The following INPP5F variants were observed in gnomAD, a reference collection of about 807,000 sequenced individuals.
The protein encoded by INPP5F is phosphatidylinositide 4-phosphatase SAC2.
Under a neutral mutation model 137.2 loss-of-function variants are expected in INPP5F, and 97 were observed. The ratio of observed to expected loss-of-function variants is 0.71; its 90% confidence interval spans 0.60 to 0.84. The LOEUF (loss-of-function observed/expected upper bound fraction) is 0.84, where lower values mean the gene tolerates loss of function less well. Among genes scored for constraint, INPP5F ranks in the 40% least tolerant of loss-of-function variants. The probability of loss-of-function intolerance (pLI) is 0.00; values close to 1 mark genes in which losing one functional copy is unlikely to be tolerated. For synonymous variants in INPP5F, 504 were observed against 476.9 expected (o/e 1.06, Z -0.74); for missense variants, 1,271 against 1,371.9 (o/e 0.93, Z 1.16).
chr10:119,806,554 A>G (rs1035410068), intron 12 of INPP5F, 74 bp downstream of exon 12: 1 of 1,356,052 alleles, frequency 7.4e-7, no homozygotes, highest in African/African-American at 1.5e-5. Flanking sequence ...GCAAATAGCT[A>G]AATATTTTTC....
rs554541836 is a variant in INPP5F, at chr10:119,794,509, T to C, written c.670-2206T>C. Among the ~76,000 whole-genome samples, 1,118 of 152,044 alleles carry C rather than the reference T, an allele frequency of 7.4e-3. 3 individuals carry two copies. Among genetic ancestry groups the C allele is most frequent in the Middle Eastern group, 0.017 (5 of 294 alleles). On this transcript the variant is annotated intron_variant, in intron 6 of 19. Coordinates refer to ENST00000650623, the MANE Select transcript of INPP5F (RefSeq NM_014937.4). ...TTCCACAAAACCGCCATTGTCATCATGGCCCGTTCTCAATGAGCTGTTGGG... is the reference window on the plus strand; with the variant it reads ...TTCCACAAAACCGCCATTGTCATCACGGCCCGTTCTCAATGAGCTGTTGGG...
chr10:119,795,281 C>T (rs1043884881), intron 6 of INPP5F, among the ~76,000 whole-genome samples: 4 of 151,480 alleles, frequency 2.6e-5, no homozygotes, highest in Non-Finnish European at 4.4e-5. Flanking sequence ...CCCTCGCGGA[C>T]GAGGTGGCTG....
intron 3 of INPP5F, among the ~76,000 whole-genome samples, chr10:119,782,512 A>AC (rs1193959660): frequency 1.3e-5 from 2 of 151,182 alleles, no homozygotes; most frequent in African/African-American, 2.4e-5. Flanking sequence ...AGTCCCCAAG[A>AC]CCCCCCTATG....
At chr10:119,766,966 G>C (rs756972778) in intron 2 of INPP5F, among the ~76,000 whole-genome samples, 3 of 151,902 alleles carry the variant, frequency 2.0e-5, no homozygotes, top group Non-Finnish European at 4.4e-5. Flanking sequence ...TTAGCCAGGC[G>C]TGGTGATGGG....
intron 2 of INPP5F, among the ~76,000 whole-genome samples, chr10:119,770,593 A>G (rs1044949829): frequency 6.6e-6 from 1 of 152,182 alleles, no homozygotes; most frequent in African/African-American, 2.4e-5. Context: ...TGTTTCACCT[A>G]AGGCAAAATA....
At chr10:119,763,344 C>T (rs771542174) in intron 2 of INPP5F, among the ~76,000 whole-genome samples, 2 of 152,212 alleles carry the variant, frequency 1.3e-5, no homozygotes, top group Admixed American at 6.5e-5. Flanking sequence ...CCTATCCTCA[C>T]GGCATCTGGC....
At chr10:119,727,969 C>T (rs78592621) in intron 1 of INPP5F, among the ~76,000 whole-genome samples, 1 of 152,220 alleles carries the variant, frequency 6.6e-6, no homozygotes, top group Admixed American at 6.5e-5. Context: ...CTGGATGGGA[C>T]TTAAGATCGT....
At position 119,826,726 on chromosome 10, in the gene INPP5F, C is replaced by G; in HGVS notation, c.2345C>G (p.Ser782Ter). ...AAGAATTTTTTAATGAGCAAATTTT[C>G]ATCTCTAAATCAAAAAGTGAAGCAG... ...QGKNFLMSKFSSLNQKVKQTK... is the reference protein window; with the variant it reads ...QGKNFLMSKF The change falls in exon 20 of 20, where the codon TCA (serine) becomes TGA (stop). Residue 782 changes from serine to a stop codon, truncating the protein, a stop_gained. Coordinates refer to ENST00000650623, the MANE Select transcript of INPP5F (RefSeq NM_014937.4). LOFTEE classifies it high-confidence loss of function. 6.2e-7 allele frequency: 1 copy of G among 1,613,236 alleles called. No individual in the cohort carries two copies. Among genetic ancestry groups the G allele is most frequent in the Non-Finnish European group, 8.5e-7 (1 of 1,179,702 alleles).
chr10:119,796,807 T>C lies in INPP5F; in HGVS notation c.762T>C (p.Asp254=). The change falls in exon 7 of 20, where the codon GAT becomes GAC. Residue 254 remains aspartate (D), a synonymous_variant. Coordinates refer to ENST00000650623, the MANE Select transcript of INPP5F (RefSeq NM_014937.4). The part of the protein sequence containing the change: ...LVVNYTESSD[D]EKSSPETPPQ... Reference sequence around the variant, plus strand: ...TTAATTATACCGAATCATCTGATGATGAGAAAAGCAGCCCAGAGACCCCCC... The same window carrying C: ...TTAATTATACCGAATCATCTGATGACGAGAAAAGCAGCCCAGAGACCCCCC... The C allele has an allele frequency of 6.2e-7, 1 of 1,613,382 alleles. No individual in the cohort carries two copies. Among genetic ancestry groups the C allele is most frequent in the South Asian group, 1.1e-5 (1 of 90,960 alleles).
intron 2 of INPP5F, among the ~76,000 whole-genome samples, chr10:119,778,921 C>T (rs1377998195): frequency 6.6e-6 from 1 of 152,102 alleles, no homozygotes; most frequent in Admixed American, 6.5e-5. Context: ...TACCGTTGTT[C>T]TAAGAGTCAG....
At chr10:119,797,742 T>G in intron 8 of INPP5F, 102 bp downstream of exon 8, 1 of 804,838 alleles carries the variant, frequency 1.2e-6, no homozygotes, top group Non-Finnish European at 1.8e-6. Flanking sequence ...GCCAGATACT[T>G]CTTTCAAAAC....
chr10:119,774,800 G>A (rs1849469841), intron 2 of INPP5F, among the ~76,000 whole-genome samples: 1 of 151,944 alleles, frequency 6.6e-6, no homozygotes, highest in Non-Finnish European at 1.5e-5. Flanking sequence ...GTTTCTCAAG[G>A]TCTGAAAAAC....
chr10:119,818,812 G>A (rs1422691755), intron 15 of INPP5F: 1 of 152,290 alleles, frequency 6.6e-6, no homozygotes, highest in African/African-American at 2.4e-5. Flanking sequence ...ACTGACTGAC[G>A]ATGCCGCGCT....
chr10:119,744,257 T>G (rs1033921581), intron 1 of INPP5F, among the ~76,000 whole-genome samples: 1 of 152,196 alleles, frequency 6.6e-6, no homozygotes, highest in East Asian at 1.9e-4. Flanking sequence ...ATAGAACACT[T>G]GCAAATTGAC....
intron 1 of INPP5F, among the ~76,000 whole-genome samples, chr10:119,745,830 G>A (rs923278495): frequency 6.7e-6 from 1 of 150,046 alleles, no homozygotes; most frequent in African/African-American, 2.5e-5. Context: ...TTAGCCTCCT[G>A]AGTAGCTGGG....
intron 9 of INPP5F, among the ~76,000 whole-genome samples, chr10:119,803,690 G>T (rs937526043): frequency 3.3e-5 from 5 of 152,204 alleles, no homozygotes; most frequent in Non-Finnish European, 5.9e-5. Context: ...TGAGTGTATA[G>T]ATTAATTGGG....
chr10:119,798,471 T>A, intron 8 of INPP5F, 72 bp from the exon 9 acceptor site: 1 of 971,856 alleles, frequency 1.0e-6, no homozygotes, highest in South Asian at 1.5e-5. Context: ...AAAGTAAGAA[T>A]AAAGATGGAG....
rs144729545 is a variant in INPP5F, at chr10:119,787,727, G to T, written c.316-3790G>T. Reference sequence around the variant, plus strand: ...AATAAGCATTTTTTAAAGTAGATCAGACTGAAGCCAGAGGCCTTTCTGGGT... The same window carrying T: ...AATAAGCATTTTTTAAAGTAGATCATACTGAAGCCAGAGGCCTTTCTGGGT... On this transcript the variant is annotated intron_variant, in intron 3 of 19. Transcript: ENST00000650623. The surrounding 1 kb of genome is among the most constrained non-coding windows in gnomAD (Gnocchi z 4.1). Among the ~76,000 whole-genome samples the T allele has an allele frequency of 1.3e-5, 2 of 152,274 alleles. No individual in the cohort carries two copies. The highest frequency in any genetic ancestry group is 6.5e-5 in the Admixed American group (1 of 15,296).
intron 18 of INPP5F, 103 bp from the exon 19 acceptor site, chr10:119,823,708 TTTAA>T (rs745772106): frequency 3.5e-5 from 25 of 715,012 alleles, no homozygotes; most frequent in Non-Finnish European, 5.1e-5. Flanking sequence ...TAAATTTGTA[TTTAA>T]TTATACGACG....
Sources: gnomAD v4.1 joint callset for allele counts (sites outside exome capture counted in the v4.1 genomes callset) on GRCh38, gnomAD v4.1.1 for gene constraint, Gnocchi (gnomAD v3.1) non-coding constraint, MANE v1.5 for transcripts, NCBI Gene and HGNC (gene_info 2026-07-23, HGNC 2026-07-21) for gene names.